The following NRG3 variants were observed in gnomAD, a reference collection of about 807,000 sequenced individuals.
NRG3 encodes the protein neuregulin 3, also known as pro-neuregulin-3, membrane-bound isoform.
In NRG3, 31 loss-of-function variants were observed where a neutral mutation model predicts 66.9. That is an observed-to-expected ratio of 0.46 (90% CI 0.35 to 0.63). NRG3 has a LOEUF of 0.63. Among genes scored for constraint, NRG3 ranks in the 20% least tolerant of loss-of-function variants. The pLI, the probability that NRG3 is intolerant of heterozygous loss-of-function variation, is 0.00. For synonymous variants in NRG3, 393 were observed against 359.4 expected, an observed-to-expected ratio of 1.09 and a Z score of -1.06; for missense variants, 910 against 878.9, an observed-to-expected ratio of 1.04 and a Z score of -0.45.
chr10:82,579,854 T>C (rs1374429523), intron 2 of NRG3, among the ~76,000 whole-genome samples: 1 of 151,954 alleles, frequency 6.6e-6, no homozygotes, highest in Non-Finnish European at 1.5e-5. Context: ...TTTATCTGTA[T>C]AGTAATAGTC....
intron 1 of NRG3, among the ~76,000 whole-genome samples, chr10:82,244,278 G>T (rs749311289): frequency 1.3e-5 from 2 of 152,116 alleles, no homozygotes; most frequent in Admixed American, 6.5e-5. Context: ...TCTTTGAAAA[G>T]ATTATTACCT....
intron 2 of NRG3, among the ~76,000 whole-genome samples, chr10:82,600,335 AT>A (rs2047542284): frequency 6.6e-6 from 1 of 152,348 alleles, no homozygotes; most frequent in African/African-American, 2.4e-5. Context: ...CTGAAAAAAA[AT>A]GTAATAATTA....
At chr10:82,018,039 G>A (rs2061871732) in intron 1 of NRG3, among the ~76,000 whole-genome samples, 1 of 151,896 alleles carries the variant, frequency 6.6e-6, no homozygotes, top group African/African-American at 2.4e-5. Context: ...AATTGCCTAG[G>A]CTTTCTTCTA....
intron 4 of NRG3, among the ~76,000 whole-genome samples, chr10:82,879,006 A>G (rs1333564161): frequency 6.6e-6 from 1 of 152,190 alleles, no homozygotes; most frequent in Non-Finnish European, 1.5e-5. Context: ...ATTCCTTCTC[A>G]TAATAAATAA....
chr10:81,878,193 C>T, intron 1 of NRG3: 1 of 1,110,602 alleles, frequency 9.0e-7, no homozygotes, highest in East Asian at 2.7e-5. Flanking sequence ...GCCCTCAGCC[C>T]CAAGGAAAAG....
chr10:82,712,340 A>T (rs1325977517), intron 2 of NRG3, among the ~76,000 whole-genome samples: 1 of 152,200 alleles, frequency 6.6e-6, no homozygotes, highest in East Asian at 1.9e-4. Flanking sequence ...GTCTAATTGA[A>T]GTATTGGGAG....
intron 3 of NRG3, among the ~76,000 whole-genome samples, chr10:82,832,843 C>T (rs1272567266): frequency 6.9e-6 from 1 of 144,484 alleles, no homozygotes; most frequent in Admixed American, 7.0e-5. Context: ...TGTTTCTGAA[C>T]ATCACAGGCT....
At chr10:82,142,369 T>C (rs2069858470) in intron 1 of NRG3, among the ~76,000 whole-genome samples, 1 of 152,094 alleles carries the variant, frequency 6.6e-6, no homozygotes, top group African/African-American at 2.4e-5. Context: ...ACCTGGACAG[T>C]ATCTGGCCTC....
intron 1 of NRG3, among the ~76,000 whole-genome samples, chr10:82,101,240 C>T (rs1003933807): frequency 6.6e-6 from 1 of 151,716 alleles, no homozygotes; most frequent in Non-Finnish European, 1.5e-5. Flanking sequence ...TCTAGAGTTT[C>T]ATCAACTTTA....
At chr10:82,265,053 G>T (rs1367334070) in intron 1 of NRG3, among the ~76,000 whole-genome samples, 2 of 152,100 alleles carry the variant, frequency 1.3e-5, no homozygotes, top group Admixed American at 6.6e-5. Context: ...AGAATGAGGG[G>T]TGTGTGTGTA....
chr10:82,876,073 T>C (rs550886294), intron 4 of NRG3, among the ~76,000 whole-genome samples: 1 of 152,366 alleles, frequency 6.6e-6, no homozygotes, highest in South Asian at 2.1e-4. Context: ...AAGATGTTTT[T>C]GGACAAGATT....
chr10:82,459,420 CATT>C (rs2091416095), intron 2 of NRG3, among the ~76,000 whole-genome samples: 2 of 152,154 alleles, frequency 1.3e-5, no homozygotes, highest in Admixed American at 1.3e-4. Flanking sequence ...TGTATTCATT[CATT>C]CAAAAACCAC....
chr10:82,962,363 GT>G (rs1850737241), intron 6 of NRG3, among the ~76,000 whole-genome samples: 1 of 152,078 alleles, frequency 6.6e-6, no homozygotes, highest in Non-Finnish European at 1.5e-5. Context: ...GAGATCATCC[GT>G]TCTTCTCTCT....
At chr10:82,849,704 C>G (rs76538420) in intron 3 of NRG3, among the ~76,000 whole-genome samples, 2,099 of 152,146 alleles carry the variant, frequency 0.014, 40 homozygotes, top group African/African-American at 0.047. Context: ...GCCCATGGCT[C>G]TGAGGAAGAA....
intron 2 of NRG3, among the ~76,000 whole-genome samples, chr10:82,378,771 A>G (rs1334708142): frequency 6.6e-6 from 1 of 151,774 alleles, no homozygotes; most frequent in Non-Finnish European, 1.5e-5. Context: ...GGGTTTCATC[A>G]TATTGGTCAG....
rs1045734862 is a variant in NRG3, at chr10:81,963,780, G to A, written c.823+87617G>A. On this transcript the variant is annotated intron_variant, in intron 1 of 8. Transcript: ENST00000372141. ...GGGCATGTAACCTTACAGCTCCGTG[G>A]TGGAGTTACATGCTTTGTTGCTGAA... Among the ~76,000 whole-genome samples, 3 of 152,132 alleles carry A rather than the reference G, an allele frequency of 2.0e-5. No individual in the cohort carries two copies. In the South Asian group the frequency reaches 6.2e-4, roughly 32 times the overall value.
intron 1 of NRG3, among the ~76,000 whole-genome samples, chr10:82,158,573 C>G (rs1233872973): frequency 6.6e-6 from 1 of 151,812 alleles, no homozygotes; most frequent in East Asian, 1.9e-4. Flanking sequence ...GTATATTTCT[C>G]TCTGAATGAT....
At chr10:81,938,312 G>T (rs1443618706) in intron 1 of NRG3, among the ~76,000 whole-genome samples, 2 of 151,502 alleles carry the variant, frequency 1.3e-5, no homozygotes, top group Non-Finnish European at 2.9e-5. Flanking sequence ...ATCTCTTTGG[G>T]TAGTATAGAC....
chr10:82,490,872 CTAAA>C (rs1444668245), intron 2 of NRG3, among the ~76,000 whole-genome samples: 3 of 152,034 alleles, frequency 2.0e-5, no homozygotes, highest in Non-Finnish European at 2.9e-5. Context: ...TAATAAAAAA[CTAAA>C]TATTTAATGG....
Sources: allele counts gnomAD v4.1 joint callset (sites outside exome capture counted in the v4.1 genomes callset), GRCh38; gene constraint gnomAD v4.1.1; transcripts MANE v1.5; gene names NCBI Gene and HGNC (gene_info 2026-07-23, HGNC 2026-07-21).